AGBL3: variants seen among roughly 807,000 people sequenced by gnomAD.
AGBL3 encodes AGBL carboxypeptidase 3, also known as cytosolic carboxypeptidase 3.
Under a neutral mutation model 94.5 loss-of-function variants are expected in AGBL3, and 68 were observed. The observed-to-expected ratio is 0.72, with a 90% CI of 0.59 to 0.88. The LOEUF is 0.88. Among genes scored for constraint, AGBL3 ranks in the 40% least tolerant of loss-of-function variants. AGBL3 has a pLI of 0.00. For synonymous variants in AGBL3, 354 were observed against 370.7 expected (o/e 0.95, Z 0.52); for missense variants, 934 against 1,103.8 (o/e 0.85, Z 2.18).
intron 15 of AGBL3, chr7:135,092,852 G>A (rs1479254301): frequency 6.6e-6 from 1 of 151,902 alleles, no homozygotes; most frequent in Non-Finnish European, 1.5e-5. Context: ...AGAAATGCAA[G>A]GTTAGTTTAG....
chr7:135,080,940 T>TCA (rs1820874208), intron 14 of AGBL3, among the ~76,000 whole-genome samples: 1 of 22,452 alleles, frequency 4.5e-5, no homozygotes, highest in Admixed American at 8.9e-4. Flanking sequence ...GGTAACCTAA[T>TCA]TACACACACA....
At chr7:135,061,558 T>C (rs1818841841) in intron 12 of AGBL3, among the ~76,000 whole-genome samples, 1 of 152,136 alleles carries the variant, frequency 6.6e-6, no homozygotes, top group Non-Finnish European at 1.5e-5. Flanking sequence ...TTTTAGTTGA[T>C]TTTTGTACAT....
At chr7:135,041,321 T>A (rs1039792419) in intron 8 of AGBL3, among the ~76,000 whole-genome samples, 2 of 152,084 alleles carry the variant, frequency 1.3e-5, no homozygotes, top group African/African-American at 4.8e-5. Flanking sequence ...AAAACAATTT[T>A]AAAAAATAAA....
chr7:134,991,755 G>C (rs1378724002), intron 3 of AGBL3, among the ~76,000 whole-genome samples: 1 of 151,870 alleles, frequency 6.6e-6, no homozygotes, highest in Non-Finnish European at 1.5e-5. Context: ...AAAAGAAAAG[G>C]CTACTCTCAA....
intron 4 of AGBL3, among the ~76,000 whole-genome samples, chr7:135,007,265 T>G (rs1242530563): frequency 6.6e-6 from 1 of 151,902 alleles, no homozygotes; most frequent in African/African-American, 2.4e-5. Context: ...ATATATATTA[T>G]GAATATAGAT....
At chr7:134,988,020 T>C in intron 2 of AGBL3, 24 bp downstream of exon 2, 2 of 1,490,876 alleles carry the variant, frequency 1.3e-6, no homozygotes, top group East Asian at 2.5e-5. Flanking sequence ...AACTTTATTT[T>C]ACTTGGAGAT....
intron 16 of AGBL3, among the ~76,000 whole-genome samples, chr7:135,131,233 T>A (rs1828714582): frequency 6.6e-6 from 1 of 152,092 alleles, no homozygotes; most frequent in Non-Finnish European, 1.5e-5. Context: ...AAACACCACA[T>A]GTTTTCACTC....
chr7:135,016,949 A>C lies in AGBL3; in HGVS notation c.311-103A>C, dbSNP rs2133488702. The C allele has an allele frequency of 5.2e-6, 4 of 767,882 alleles. No homozygotes were observed. The East Asian group carries it at 1.1e-4, about 21-fold the overall frequency. 47.6% of individuals were successfully genotyped at this position (767,882 alleles called of 1,614,324 possible). On this transcript the variant is annotated intron_variant, in intron 4 of 16. Transcript: ENST00000436302. ...AATCTTACCCCACACAAAACACTAC[A>C]TTTTAGCCTAGATCTATCAATGAAT...
rs1219748100 is a variant in AGBL3, at chr7:135,039,321, T to C, written c.1500+1741T>C. Among the ~76,000 whole-genome samples the C allele has an allele frequency of 3.9e-5, 6 of 152,300 alleles. No individual in the cohort carries two copies. The East Asian group carries it at 1.2e-3, about 29-fold the overall frequency. ...AATCCTTAGGCCCAAGAGGAACTCT[T>C]AAGGAACATTAGAATATAGTTTCAC... On this transcript the variant is annotated intron_variant, in intron 8 of 16. Transcript: ENST00000436302.
At position 135,034,494 on chromosome 7, in the gene AGBL3, CACTT is replaced by C; in HGVS notation, c.906_909del (p.Tyr303ProfsTer37). 1 of 1,551,860 alleles carries C rather than the reference CACTT, an allele frequency of 6.4e-7. No homozygotes were observed. Among genetic ancestry groups the C allele is most frequent in the Non-Finnish European group, 8.7e-7 (1 of 1,147,024 alleles). Reference sequence around the variant, plus strand: ...GCTACTTTGCTCATTGCTATCCATACACTTACACCAACCTGCAAGAATACCTTTC... The same window carrying C: ...GCTACTTTGCTCATTGCTATCCATACACACCAACCTGCAAGAATACCTTTC... On this transcript the variant is annotated frameshift_variant, in exon 7 of 17. Coordinates refer to ENST00000436302, the MANE Select transcript of AGBL3 (RefSeq NM_178563.4). LOFTEE classifies it high-confidence loss of function.
chr7:135,037,338 T>A (rs1029229958), intron 7 of AGBL3, 80 bp from the exon 8 acceptor site: 147 of 1,207,184 alleles, frequency 1.2e-4, no homozygotes, highest in Middle Eastern at 5.8e-4. Context: ...ATTTGGATAT[T>A]ACACTTATAA....
At chr7:135,001,518 T>C (rs1002122846) in intron 4 of AGBL3, among the ~76,000 whole-genome samples, 7 of 152,230 alleles carry the variant, frequency 4.6e-5, no homozygotes, top group Non-Finnish European at 1.0e-4. Context: ...ATAGAACAGA[T>C]TTGTTTAAAG....
chr7:135,072,736 G>A (rs867180934), intron 12 of AGBL3, among the ~76,000 whole-genome samples: 1 of 149,070 alleles, frequency 6.7e-6, no homozygotes, highest in African/African-American at 2.5e-5. Flanking sequence ...GACACAGGAA[G>A]GGGAACATCA....
intron 16 of AGBL3, among the ~76,000 whole-genome samples, chr7:135,127,938 G>A (rs2348281): frequency 0.95 from 144,963 of 152,212 alleles, 69,370 homozygotes; most frequent in Non-Finnish European, 1. Context: ...ATACCCATCA[G>A]TGATAGACTG....
intron 16 of AGBL3, among the ~76,000 whole-genome samples, chr7:135,130,840 A>G (rs969931477): frequency 6.6e-6 from 1 of 152,180 alleles, no homozygotes; most frequent in African/African-American, 2.4e-5. Context: ...TTTTGAATTG[A>G]TAACTGTTCC....
rs1166377445 is a variant in AGBL3, at chr7:135,037,448, C to G, written c.1368C>G (p.Tyr456Ter). ...RLMEKREVIL[Y>*]CDLHGHSRKE... ...TGGAGAAACGAGAGGTTATTTTATACTGTGATCTTCATGGCCATAGTAGGA... is the reference window on the plus strand; with the variant it reads ...TGGAGAAACGAGAGGTTATTTTATAGTGTGATCTTCATGGCCATAGTAGGA... Residue 456 changes from tyrosine to a stop codon, truncating the protein, a stop_gained, in exon 8 of 17, where the codon TAC (tyrosine) becomes TAG (stop). Coordinates refer to ENST00000436302, the MANE Select transcript of AGBL3 (RefSeq NM_178563.4). LOFTEE classifies it high-confidence loss of function. 3.2e-6 allele frequency: 5 copies of G among 1,548,600 alleles called. No homozygotes were observed. Among genetic ancestry groups the G allele is most frequent in the Non-Finnish European group, 4.4e-6 (5 of 1,145,598 alleles).
Position 135,006,539 on chromosome 7 carries a change from A to G in AGBL3, c.311-10513A>G, listed in dbSNP as rs544088173. 5.9e-5 allele frequency among the ~76,000 whole-genome samples: 9 copies of G among 152,062 alleles called. No homozygotes were observed. The South Asian group carries it at 1.9e-3, about 32-fold the overall frequency. ...TAACAGTGGACTAACTTGAACAACT[A>G]CTTGAATCTGCATATGGAAGTGGCT... On this transcript the variant is annotated intron_variant, in intron 4 of 16. Transcript: ENST00000436302.
chr7:135,094,653 C>T (rs747237283), intron 15 of AGBL3: 27 of 390,494 alleles, frequency 6.9e-5, no homozygotes, highest in Non-Finnish European at 1.3e-4. Context: ...AGGGCCTACT[C>T]TCTTAGGGTG....
At chr7:135,047,395 GAAGT>G (rs989900522) in intron 11 of AGBL3, among the ~76,000 whole-genome samples, 2 of 152,036 alleles carry the variant, frequency 1.3e-5, no homozygotes, top group African/African-American at 2.4e-5. Flanking sequence ...TAAATACCCA[GAAGT>G]AAGACTGCTG....
Sources: gnomAD v4.1 joint callset for allele counts (sites outside exome capture counted in the v4.1 genomes callset) on GRCh38, gnomAD v4.1.1 for gene constraint, MANE v1.5 for transcripts, NCBI Gene and HGNC (gene_info 2026-07-23, HGNC 2026-07-21) for gene names.